BCL7C: variants seen among roughly 807,000 people sequenced by gnomAD.
The protein encoded by BCL7C is BAF chromatin remodeling complex subunit BCL7C, also known as B-cell CLL/lymphoma 7 protein family member C.
BCL7C carries 8 observed loss-of-function variants against 26.2 expected under a neutral mutation model. That is an observed-to-expected ratio of 0.30 (90% CI 0.18 to 0.55). The LOEUF (loss-of-function observed/expected upper bound fraction) is 0.55. BCL7C is among the 20% of genes least tolerant of loss of function. The pLI is 0.93. For synonymous variants in BCL7C, 90 were observed against 116.5 expected (o/e 0.77, Z 1.47); for missense variants, 262 against 298.5 (o/e 0.88, Z 0.90).
intron 5 of BCL7C, among the ~76,000 whole-genome samples, chr16:30,838,346 T>C (rs955418557): frequency 1.3e-5 from 2 of 152,154 alleles, no homozygotes; most frequent in African/African-American, 2.4e-5. Flanking sequence ...AGATCAGAGA[T>C]AGATGGTAGG....
rs1353760230 is a variant in BCL7C, at chr16:30,892,944, C to T, written c.176G>A (p.Arg59Gln). ...CTCTGCCCCGCCACCTGCCCGCCTT[C>T]GCTCCTGGGGGTTAGAGGATTAGGG... ...VPVVDPQEEE[R>Q]RRAGGGAERS... Residue 59 changes from arginine (R) to glutamine (Q), a missense_variant, in exon 3 of 6, where the codon CGA (arginine) becomes CAA (glutamine). Physicochemically the swap from Arg to Gln is conservative, Grantham distance 43. Transcript: ENST00000215115. The T allele has an allele frequency of 2.5e-6, 4 of 1,612,288 alleles. No individual in the cohort carries two copies. Among genetic ancestry groups the T allele is most frequent in the South Asian group, 2.2e-5 (2 of 90,982 alleles).
intron 5 of BCL7C, among the ~76,000 whole-genome samples, chr16:30,863,504 A>G (rs1010113914): frequency 3.3e-5 from 5 of 152,194 alleles, no homozygotes; most frequent in Admixed American, 1.3e-4. Flanking sequence ...TTACTTCCAA[A>G]GGAAGCTGGA....
In BCL7C at chr16:30,893,148, C is replaced by T. The variant is rs1000768790; in HGVS notation, c.171+64G>A. ...TCGGGGAGCTGGAGGTAGAGGTCAG[C>T]GTGGGGAGGAACTTGCCTGAGGTTG... On this transcript the variant is annotated intron_variant, in intron 2 of 5. Coordinates refer to ENST00000215115, the MANE Select transcript of BCL7C (RefSeq NM_004765.4). The surrounding 1 kb of genome is among the most constrained non-coding windows in gnomAD (Gnocchi z 5.2). 31 of 1,529,118 alleles carry T rather than the reference C, an allele frequency of 2.0e-5. No individual in the cohort carries two copies. Among genetic ancestry groups the T allele is most frequent in the Non-Finnish European group, 2.7e-5 (30 of 1,114,778 alleles). 94.7% of individuals were successfully genotyped at this position (1,529,118 alleles called of 1,614,324 possible).
intron 5 of BCL7C, among the ~76,000 whole-genome samples, chr16:30,867,966 GGGAACACA>G (rs1270158190): frequency 6.6e-6 from 1 of 151,928 alleles, no homozygotes; most frequent in South Asian, 2.1e-4. Flanking sequence ...GCCTCCAGGA[GGGAACACA>G]GCCCTGAAGA....
chr16:30,842,723 C>T (rs1041674376), intron 5 of BCL7C, among the ~76,000 whole-genome samples: 16 of 152,154 alleles, frequency 1.1e-4, no homozygotes, highest in East Asian at 1.9e-4. Flanking sequence ...CGCCCGCCAC[C>T]GCTCCCAGCT....
intron 5 of BCL7C, among the ~76,000 whole-genome samples, chr16:30,838,413 C>A (rs931326236): frequency 3.3e-5 from 5 of 152,152 alleles, no homozygotes; most frequent in Non-Finnish European, 5.9e-5. Flanking sequence ...TTAGTGGCTG[C>A]CATTATTGCC....
intron 5 of BCL7C, among the ~76,000 whole-genome samples, chr16:30,836,531 G>A (rs2054570554): frequency 6.8e-6 from 1 of 148,092 alleles, no homozygotes. Context: ...CTGGAGTGCA[G>A]TAGTACAATC....
At chr16:30,835,023 C>G in exon 6 of BCL7C, 1 of 1,549,230 alleles carries the variant, frequency 6.5e-7, no homozygotes, top group Non-Finnish European at 8.7e-7. Flanking sequence ...CTCTGGTGTC[C>G]GGCACCGCCA....
At chr16:30,863,783 A>G (rs760465957) in intron 5 of BCL7C, among the ~76,000 whole-genome samples, 9 of 151,918 alleles carry the variant, frequency 5.9e-5, no homozygotes, top group Non-Finnish European at 1.3e-4. Flanking sequence ...TCATTTCATA[A>G]CCTCTTCCAT....
At chr16:30,846,746 C>A (rs2054638847) in intron 5 of BCL7C, among the ~76,000 whole-genome samples, 1 of 152,144 alleles carries the variant, frequency 6.6e-6, no homozygotes, top group African/African-American at 2.4e-5. Context: ...GGAGACAGAC[C>A]TGTGGAGATG....
intron 5 of BCL7C, among the ~76,000 whole-genome samples, chr16:30,842,478 T>C (rs1020142561): frequency 6.6e-6 from 1 of 152,124 alleles, no homozygotes; most frequent in Non-Finnish European, 1.5e-5. Flanking sequence ...TAATTGTAAA[T>C]AAAATAAGGA....
At chr16:30,890,701 T>C (rs1198442393) in intron 4 of BCL7C, among the ~76,000 whole-genome samples, 1 of 146,512 alleles carries the variant, frequency 6.8e-6, no homozygotes, top group African/African-American at 2.5e-5. Flanking sequence ...AATACAAAAA[T>C]TAGGCCAGGC....
chr16:30,882,447 G>A (rs2055058227), intron 5 of BCL7C, among the ~76,000 whole-genome samples: 1 of 152,186 alleles, frequency 6.6e-6, no homozygotes, highest in Non-Finnish European at 1.5e-5. Flanking sequence ...GCAGAGGAGG[G>A]GTCAGGGGCT....
intron 5 of BCL7C, among the ~76,000 whole-genome samples, chr16:30,874,963 G>A (rs1374307920): frequency 1.3e-5 from 2 of 152,228 alleles, no homozygotes; most frequent in Non-Finnish European, 2.9e-5. Flanking sequence ...AATGGCTCCG[G>A]CCACGCCTCT....
intron 5 of BCL7C, among the ~76,000 whole-genome samples, chr16:30,870,586 G>T (rs2054874445): frequency 6.6e-6 from 1 of 152,124 alleles, no homozygotes; most frequent in Admixed American, 6.5e-5. Flanking sequence ...CAAGCAGGAG[G>T]ATCGCTTGAG....
intron 5 of BCL7C, among the ~76,000 whole-genome samples, chr16:30,842,665 T>C (rs940886323): frequency 1.8e-4 from 27 of 152,180 alleles, no homozygotes; most frequent in African/African-American, 5.8e-4. Context: ...ACTTCCCGGG[T>C]TCATGCCATT....
At chr16:30,851,238 G>T in intron 5 of BCL7C, 1 of 283,878 alleles carries the variant, frequency 3.5e-6, no homozygotes, top group Non-Finnish European at 7.0e-6. Flanking sequence ...AGCCCAATTC[G>T]TTCAACATTT....
chr16:30,868,134 T>G (rs2054844973), intron 5 of BCL7C, among the ~76,000 whole-genome samples: 1 of 149,310 alleles, frequency 6.7e-6, no homozygotes, highest in Admixed American at 6.7e-5. Flanking sequence ...TGTGGGTTTT[T>G]TTTTTTTTTT....
chr16:30,882,501 C>G (rs1369423461), intron 5 of BCL7C, among the ~76,000 whole-genome samples: 1 of 152,132 alleles, frequency 6.6e-6, no homozygotes, highest in East Asian at 1.9e-4. Context: ...GACTTGAAAA[C>G]TGCTTTGGCA....
Sources: allele counts gnomAD v4.1 joint callset (sites outside exome capture counted in the v4.1 genomes callset), GRCh38; gene constraint gnomAD v4.1.1; non-coding constraint Gnocchi (gnomAD v3.1); transcripts MANE v1.5; gene names NCBI Gene and HGNC (gene_info 2026-07-23, HGNC 2026-07-21).